The following FOXP2 variants were observed in gnomAD, a reference collection of about 807,000 sequenced individuals.
FOXP2 encodes the protein forkhead box protein P2.
Under a neutral mutation model 115.8 loss-of-function variants are expected in FOXP2, and 12 were observed. The ratio of observed to expected loss-of-function variants is 0.10; its 90% CI spans 0.07 to 0.17. The LOEUF is 0.17. FOXP2 is among the 10% of genes least tolerant of loss of function. The probability of loss-of-function intolerance (pLI) is 1.00; values close to 1 mark genes in which losing one functional copy is unlikely to be tolerated. For synonymous variants in FOXP2, 328 were observed against 297.7 expected, an observed-to-expected ratio of 1.10 and a Z score of -1.05; for missense variants, 629 against 843.5, an observed-to-expected ratio of 0.75 and a Z score of 3.15.
Position 114,457,626 on chromosome 7 carries a change from C to T in FOXP2, c.168+30947C>T, listed in dbSNP as rs539833187. ...AAAAATATATTCTCATGGCTGGGCG[C>T]AGTGGCTCACGCCTGTAATCCCAGC... On this transcript the variant is annotated intron_variant, in intron 2 of 16. Coordinates refer to ENST00000350908, the MANE Select transcript of FOXP2 (RefSeq NM_014491.4). Among the ~76,000 whole-genome samples the T allele has an allele frequency of 1.4e-4, 21 of 152,230 alleles. 1 individual carries two copies. Among genetic ancestry groups the T allele is most frequent in the South Asian group, 6.2e-4 (3 of 4,830 alleles).
intron 1 of FOXP2, among the ~76,000 whole-genome samples, chr7:114,192,946 C>G (rs892601160): frequency 3.3e-5 from 5 of 152,066 alleles, no homozygotes; most frequent in African/African-American, 1.2e-4. Flanking sequence ...ATTTCATTTA[C>G]TCATTCAGTA....
intron 2 of FOXP2, among the ~76,000 whole-genome samples, chr7:114,485,776 C>A (rs527617373): frequency 1.6e-4 from 24 of 152,088 alleles, no homozygotes; most frequent in African/African-American, 5.5e-4. Flanking sequence ...TGTTCACTTA[C>A]AAAATTTACA....
chr7:114,473,482 A>G (rs918457814), intron 2 of FOXP2, among the ~76,000 whole-genome samples: 3 of 152,200 alleles, frequency 2.0e-5, no homozygotes, highest in African/African-American at 4.8e-5. Context: ...GAGTGTAAGT[A>G]TGGTAGATTC....
chr7:114,627,202 A>G (rs944995997), intron 3 of FOXP2, among the ~76,000 whole-genome samples: 14 of 150,506 alleles, frequency 9.3e-5, no homozygotes, highest in African/African-American at 1.5e-4. Flanking sequence ...TCCTTTCTCC[A>G]TAACATAAAG....
chr7:114,393,834 GTA>G (rs1336447479), intron 2 of FOXP2, among the ~76,000 whole-genome samples: 3 of 152,096 alleles, frequency 2.0e-5, no homozygotes, highest in Non-Finnish European at 2.9e-5. Context: ...ATTGTTCAAG[GTA>G]CAAATCTGGA....
At chr7:114,360,044 T>A (rs1268968723) in intron 2 of FOXP2, among the ~76,000 whole-genome samples, 6 of 152,098 alleles carry the variant, frequency 3.9e-5, no homozygotes, top group Non-Finnish European at 8.8e-5. Context: ...ATAGCTCCCA[T>A]AATCCCCATG....
chr7:114,481,812 A>ATATATCTATC (rs1562952223), intron 2 of FOXP2, among the ~76,000 whole-genome samples: 62 of 125,224 alleles, frequency 5.0e-4, no homozygotes, highest in African/African-American at 1.9e-3. Flanking sequence ...ATCTATCTAT[A>ATATATCTATC]TATCTATCTA....
intron 1 of FOXP2, among the ~76,000 whole-genome samples, chr7:114,227,412 C>A (rs1794770439): frequency 1.3e-5 from 2 of 152,056 alleles, no homozygotes; most frequent in Admixed American, 1.3e-4. Flanking sequence ...ATTTGTCTCT[C>A]TTCTAGTCCC....
intron 3 of FOXP2, among the ~76,000 whole-genome samples, chr7:114,551,569 G>A (rs1800209442): frequency 6.6e-6 from 1 of 152,004 alleles, no homozygotes; most frequent in African/African-American, 2.4e-5. Context: ...ACTTATTTAG[G>A]TCTGAGTTCC....
chr7:114,161,489 T>A (rs561173407), upstream of FOXP2, among the ~76,000 whole-genome samples: 74 of 152,216 alleles, frequency 4.9e-4, no homozygotes, highest in African/African-American at 1.8e-3. Flanking sequence ...TTTTAGCTAT[T>A]CTGATATAGA....
intron 2 of FOXP2, among the ~76,000 whole-genome samples, chr7:114,312,071 C>G (rs890708193): frequency 7.2e-5 from 11 of 152,256 alleles, no homozygotes; most frequent in Admixed American, 5.2e-4. Context: ...TTTGCATTTA[C>G]TCTCTTTTGA....
intron 1 of FOXP2, among the ~76,000 whole-genome samples, chr7:114,192,007 T>C (rs1793772057): frequency 6.6e-6 from 1 of 152,122 alleles, no homozygotes; most frequent in Non-Finnish European, 1.5e-5. Flanking sequence ...GTTGGAATAC[T>C]ATATACTGTA....
chr7:114,456,274 G>A (rs1682088501), intron 2 of FOXP2, among the ~76,000 whole-genome samples: 1 of 152,210 alleles, frequency 6.6e-6, no homozygotes, highest in African/African-American at 2.4e-5. Flanking sequence ...TCACAGAGAA[G>A]TTTGAATGCC....
At chr7:114,408,774 G>A (rs1793097467) in intron 2 of FOXP2, among the ~76,000 whole-genome samples, 1 of 151,848 alleles carries the variant, frequency 6.6e-6, no homozygotes, top group South Asian at 2.1e-4. Context: ...TACAATGAAT[G>A]TGTGCCTTAT....
At chr7:114,478,072 C>G (rs1399182199) in intron 2 of FOXP2, among the ~76,000 whole-genome samples, 1 of 151,716 alleles carries the variant, frequency 6.6e-6, no homozygotes, top group East Asian at 1.9e-4. Context: ...GTTGGCTGAC[C>G]TCAGGAAGAA....
intron 1 of FOXP2, among the ~76,000 whole-genome samples, chr7:114,221,076 T>C (rs1051422812): frequency 3.3e-5 from 5 of 152,166 alleles, no homozygotes; most frequent in African/African-American, 1.2e-4. Context: ...AACAGTATTT[T>C]AAATATCTGT....
At chr7:114,393,411 C>T (rs1353792085) in intron 2 of FOXP2, among the ~76,000 whole-genome samples, 1 of 151,828 alleles carries the variant, frequency 6.6e-6, no homozygotes, top group Non-Finnish European at 1.5e-5. Flanking sequence ...TGTGTCAGAG[C>T]CCAAGCAGAG....
At chr7:114,404,326 C>G (rs1792965400) in intron 2 of FOXP2, among the ~76,000 whole-genome samples, 1 of 152,052 alleles carries the variant, frequency 6.6e-6, no homozygotes, top group South Asian at 2.1e-4. Flanking sequence ...TACGTAAAAA[C>G]TTATAAACGT....
chr7:114,249,659 G>T (rs914000349), intron 1 of FOXP2, among the ~76,000 whole-genome samples: 1 of 152,054 alleles, frequency 6.6e-6, no homozygotes, highest in Non-Finnish European at 1.5e-5. Context: ...ATTGTGAATA[G>T]TGCTGCAGTT....
Sources: allele counts gnomAD v4.1 joint callset (sites outside exome capture counted in the v4.1 genomes callset), GRCh38; gene constraint gnomAD v4.1.1; transcripts MANE v1.5; gene names NCBI Gene and HGNC (gene_info 2026-07-23, HGNC 2026-07-21).